TFCP2L1: variants seen among roughly 807,000 people sequenced by gnomAD.
The protein encoded by TFCP2L1 is transcription factor CP2 like 1.
A neutral mutation model predicts 72.2 loss-of-function variants in TFCP2L1; 12 were observed. The ratio of observed to expected loss-of-function variants is 0.17; its 90% CI spans 0.11 to 0.27. The LOEUF (loss-of-function observed/expected upper bound fraction) is 0.27. Ranked by LOEUF, TFCP2L1 falls within the 10% of genes least tolerant of loss-of-function variation. TFCP2L1 has a pLI of 1.00. For missense variants in TFCP2L1, 488 were observed against 624.6 expected (o/e 0.78, Z 2.33); for synonymous variants, 260 against 251.0 (o/e 1.04, Z -0.34).
intron 1 of TFCP2L1, among the ~76,000 whole-genome samples, chr2:121,284,001 TC>T (rs1687316084): frequency 2.0e-5 from 3 of 151,656 alleles, no homozygotes. Context: ...ACCCAATCAT[TC>T]CCCCGCCTCC....
intron 2 of TFCP2L1, among the ~76,000 whole-genome samples, chr2:121,278,076 T>TCGGACTG (rs1223237827): frequency 5.8e-4 from 85 of 145,666 alleles, no homozygotes; most frequent in African/African-American, 1.9e-3. Flanking sequence ...GTCGCCCAGG[T>TCGGACTG]CGGACTGCGG....
Position 121,224,257 on chromosome 2 carries a change from C to T in TFCP2L1, c.*84G>A. ...CCTGGCCTCAGCTTGCCTGGTGAGGCCACAGCTTACAGTGGGGCAATGTCT... is the reference window on the plus strand; with the variant it reads ...CCTGGCCTCAGCTTGCCTGGTGAGGTCACAGCTTACAGTGGGGCAATGTCT... On this transcript the variant is annotated 3_prime_UTR_variant, in exon 15 of 15. Coordinates refer to ENST00000263707, the MANE Select transcript of TFCP2L1 (RefSeq NM_014553.3). 2 of 1,547,510 alleles carry T rather than the reference C, an allele frequency of 1.3e-6. No individual in the cohort carries two copies. Among genetic ancestry groups the T allele is most frequent in the Non-Finnish European group, 1.8e-6 (2 of 1,128,020 alleles).
chr2:121,250,790 A>G (rs1170305476), intron 2 of TFCP2L1, among the ~76,000 whole-genome samples: 1 of 151,576 alleles, frequency 6.6e-6, no homozygotes, highest in African/African-American at 2.4e-5. Flanking sequence ...TATTTTTAGT[A>G]GAGACAGGGT....
intron 10 of TFCP2L1, among the ~76,000 whole-genome samples, chr2:121,236,767 T>A (rs1207677679): frequency 6.6e-6 from 1 of 152,068 alleles, no homozygotes; most frequent in African/African-American, 2.4e-5. Flanking sequence ...ATAAGGCAGG[T>A]GCCCACATGG....
At chr2:121,262,846 A>G (rs1425008741) in intron 2 of TFCP2L1, among the ~76,000 whole-genome samples, 3 of 152,236 alleles carry the variant, frequency 2.0e-5, no homozygotes, top group South Asian at 2.1e-4. Flanking sequence ...CGACATGCTC[A>G]TAAGTACCTG....
chr2:121,224,451 A>G lies in TFCP2L1; in HGVS notation c.1394-64T>C, dbSNP rs572614330. ...AAGGTGCAGTGCCACAGTATTGGGG[A>G]GTCCCAAAAGGCACGCTGTTAGGGT... is the stretch of plus-strand genomic sequence containing the variant. On this transcript the variant is annotated intron_variant, in intron 14 of 14. Coordinates refer to ENST00000263707, the MANE Select transcript of TFCP2L1 (RefSeq NM_014553.3). 15 of 1,559,998 alleles carry G rather than the reference A, an allele frequency of 9.6e-6. No homozygotes were observed. In the South Asian group the frequency reaches 1.5e-4, roughly 16 times the overall value.
chr2:121,281,386 G>T, intron 1 of TFCP2L1, 115 bp from the exon 2 acceptor site: 1 of 1,189,894 alleles, frequency 8.4e-7, no homozygotes, highest in Non-Finnish European at 1.2e-6. Flanking sequence ...GACACGGCAC[G>T]CGCATCGCAG....
At chr2:121,229,504 G>A (rs1329231591) in intron 13 of TFCP2L1, among the ~76,000 whole-genome samples, 1 of 152,184 alleles carries the variant, frequency 6.6e-6, no homozygotes. Flanking sequence ...GCAGTTTAAT[G>A]ACAAGTGGCA....
At position 121,221,662 on chromosome 2, in the gene TFCP2L1, A is replaced by G. The variant is rs960532328; in HGVS notation, c.*2679T>C. 1 of 152,232 alleles carries G rather than the reference A, an allele frequency of 6.6e-6. No individual in the cohort carries two copies. The highest frequency in any genetic ancestry group is 2.1e-4 in the South Asian group (1 of 4,832). 9.4% of individuals were successfully genotyped at this position (152,232 alleles called of 1,614,324 possible). ...AAAAGTATAGTTCTTAGAAGAAAAC[A>G]CAGGCATTAATCTTCTTGACCTTGG... On this transcript the variant is annotated 3_prime_UTR_variant, in exon 15 of 15. Coordinates refer to ENST00000263707, the MANE Select transcript of TFCP2L1 (RefSeq NM_014553.3).
chr2:121,253,320 T>C (rs771240837), intron 2 of TFCP2L1, among the ~76,000 whole-genome samples: 1 of 152,238 alleles, frequency 6.6e-6, no homozygotes, highest in African/African-American at 2.4e-5. Flanking sequence ...TCCTGCCCAC[T>C]TGCCTGTTCA....
At chr2:121,246,096 C>T (rs1039462599) in intron 6 of TFCP2L1, among the ~76,000 whole-genome samples, 1 of 152,200 alleles carries the variant, frequency 6.6e-6, no homozygotes, top group African/African-American at 2.4e-5. Context: ...CAGACAGGGC[C>T]TACAGGGGCT....
chr2:121,271,348 A>G (rs1687044689), intron 2 of TFCP2L1, among the ~76,000 whole-genome samples: 1 of 152,188 alleles, frequency 6.6e-6, no homozygotes, highest in African/African-American at 2.4e-5. Context: ...GGGTTAAAGT[A>G]TGACTACGAA....
intron 6 of TFCP2L1, among the ~76,000 whole-genome samples, chr2:121,246,603 G>A (rs576002275): frequency 4.6e-5 from 7 of 152,354 alleles, no homozygotes; most frequent in Admixed American, 1.3e-4. Flanking sequence ...AGCGGGTGCC[G>A]CAGGTGAAAA....
At chr2:121,281,390 A>G in intron 1 of TFCP2L1, 119 bp from the exon 2 acceptor site, 2 of 1,144,956 alleles carry the variant, frequency 1.7e-6, no homozygotes, top group East Asian at 2.5e-5. Flanking sequence ...CGGCACGCGC[A>G]TCGCAGGGTG....
Position 121,249,138 on chromosome 2 carries a change from A to T in TFCP2L1, c.292-51T>A. 4 of 1,360,056 alleles carry T rather than the reference A, an allele frequency of 2.9e-6. No homozygotes were observed. In the South Asian group the frequency reaches 4.3e-5, roughly 15 times the overall value. The allele number at this position is 1,360,056 out of a possible 1,614,324, so 84.2% of individuals were successfully genotyped here. ...CAAGTGACCGCGGGGGGCCAAGAGG[A>T]ACCCACCTCTTTTCCCTGAGCCACA... On this transcript the variant is annotated intron_variant, in intron 3 of 14. Coordinates refer to ENST00000263707, the MANE Select transcript of TFCP2L1 (RefSeq NM_014553.3).
intron 2 of TFCP2L1, among the ~76,000 whole-genome samples, chr2:121,250,752 G>T (rs1163730920): frequency 6.6e-6 from 1 of 151,080 alleles, no homozygotes; most frequent in African/African-American, 2.4e-5. Flanking sequence ...GATTACAGGC[G>T]CCTGCCACCA....
chr2:121,278,547 G>A (rs1375746995), intron 2 of TFCP2L1, among the ~76,000 whole-genome samples: 3 of 150,890 alleles, frequency 2.0e-5, no homozygotes, highest in African/African-American at 7.3e-5. Context: ...TTAGGTGGGC[G>A]TGGTGGCACA....
chr2:121,247,110 C>T, intron 5 of TFCP2L1, 140 bp from the exon 6 acceptor site: 2 of 967,494 alleles, frequency 2.1e-6, no homozygotes, highest in African/African-American at 1.6e-5. Flanking sequence ...CTTTCCCTGA[C>T]ACTCTGTCCA....
Sources: gnomAD v4.1 joint callset for allele counts (sites outside exome capture counted in the v4.1 genomes callset) on GRCh38, gnomAD v4.1.1 for gene constraint, MANE v1.5 for transcripts, NCBI Gene and HGNC (gene_info 2026-07-23, HGNC 2026-07-21) for gene names.